The following RNF170 variants were observed in gnomAD, a reference collection of about 807,000 sequenced individuals.
RNF170 encodes ring finger protein 170.
In RNF170, 12 loss-of-function variants were observed where a neutral mutation model predicts 32.7. The ratio of observed to expected loss-of-function variants is 0.37; its 90% CI spans 0.24 to 0.60. RNF170 has a LOEUF of 0.60. Among genes scored for constraint, RNF170 ranks in the 20% least tolerant of loss-of-function variants. The probability of loss-of-function intolerance (pLI) is 0.72; values close to 1 mark genes in which losing one functional copy is unlikely to be tolerated. For synonymous variants in RNF170, 91 were observed against 103.6 expected (o/e 0.88, Z 0.74); for missense variants, 212 against 311.2 (o/e 0.68, Z 2.40).
At chr8:42,862,061 C>T (rs1303133995) in intron 5 of RNF170, among the ~76,000 whole-genome samples, 1 of 152,096 alleles carries the variant, frequency 6.6e-6, no homozygotes, top group South Asian at 2.1e-4. Flanking sequence ...ATAAAATAGA[C>T]ACCATATCCA....
At position 42,855,635 on chromosome 8, in the gene RNF170, G is replaced by A; in HGVS notation, c.*524C>T. On this transcript the variant is annotated 3_prime_UTR_variant, in exon 7 of 7. Coordinates refer to ENST00000527424, the MANE Select transcript of RNF170 (RefSeq NM_030954.4). ...TGATAGCAAATAATTAATTATACCA[G>A]AATGAAAAGGCAGAACTGCTCCAAA... 1 of 1,284,514 alleles carries A rather than the reference G, an allele frequency of 7.8e-7. No homozygotes were observed. Among genetic ancestry groups the A allele is most frequent in the Non-Finnish European group, 1.0e-6 (1 of 986,192 alleles). The allele number at this position is 1,284,514 out of a possible 1,614,324, so 79.6% of individuals were successfully genotyped here.
At chr8:42,862,051 A>G (rs1803703919) in intron 5 of RNF170, among the ~76,000 whole-genome samples, 196 bp from the exon 6 acceptor site, 1 of 152,232 alleles carries the variant, frequency 6.6e-6, no homozygotes, top group South Asian at 2.1e-4. Flanking sequence ...TTGAACTCCT[A>G]TAAAATAGAC....
rs76928366 is a variant in RNF170 at position 42,859,325 on chromosome 8, G to A, written c.507+2420C>T. Reference sequence around the variant, plus strand: ...GATGACAGGGCTGGACCAGCACAATGTCTACAGTGATTGAAAGAAGTGGAC... The same window carrying A: ...GATGACAGGGCTGGACCAGCACAATATCTACAGTGATTGAAAGAAGTGGAC... On this transcript the variant is annotated intron_variant, in intron 6 of 6. Transcript: ENST00000527424. Among the ~76,000 whole-genome samples the A allele has an allele frequency of 3.4e-3, 520 of 152,156 alleles. 4 individuals carry two copies. The highest frequency in any genetic ancestry group is 0.029 in the East Asian group (147 of 5,136).
At chr8:42,888,538 G>A (rs1243995732) in intron 1 of RNF170, among the ~76,000 whole-genome samples, 2 of 151,350 alleles carry the variant, frequency 1.3e-5, no homozygotes, top group Admixed American at 6.6e-5. Context: ...TGAGGCAGGC[G>A]GATCACCTGA....
chr8:42,860,522 A>C (rs1803577648), intron 6 of RNF170, among the ~76,000 whole-genome samples: 1 of 151,528 alleles, frequency 6.6e-6, no homozygotes, highest in Non-Finnish European at 1.5e-5. Flanking sequence ...TCCCGGGTTC[A>C]AGTGATTCTC....
chr8:42,851,139 A>C, downstream of RNF170: 14 of 1,209,600 alleles, frequency 1.2e-5, no homozygotes, highest in South Asian at 1.5e-5. Flanking sequence ...CTCTACCACC[A>C]CAGCCCCCAT....
chr8:42,887,768 T>G lies in RNF170; in HGVS notation c.97A>C (p.Ser33Arg), dbSNP rs946375452. 40 of 1,613,962 alleles carry G rather than the reference T, an allele frequency of 2.5e-5. No individual in the cohort carries two copies. Among genetic ancestry groups the G allele is most frequent in the Non-Finnish European group, 3.3e-5 (39 of 1,179,942 alleles). The change falls in exon 2 of 7, where the codon AGT becomes CGT. Residue 33 changes from serine to arginine, a missense_variant. Transcript: ENST00000527424. ...ACCAGGGTAGCAATCAAAGCGAAAC[T>G]GACCACAACTGCCACAAGTACTTGG... ...SDQVLVAVVV[S>R]FALIATLVYA...
chr8:42,886,232 AAAT>A (rs917924700), intron 2 of RNF170, among the ~76,000 whole-genome samples: 3 of 151,628 alleles, frequency 2.0e-5, no homozygotes, highest in African/African-American at 7.3e-5. Flanking sequence ...TCAAAAAAAA[AAAT>A]AATAATAATA....
At chr8:42,871,884 T>C (rs1586514603) in intron 3 of RNF170, among the ~76,000 whole-genome samples, 3 of 152,294 alleles carry the variant, frequency 2.0e-5, no homozygotes, top group Middle Eastern at 6.8e-3. Context: ...TTTAAAGAAA[T>C]TGACAAAAAA....
intron 4 of RNF170, among the ~76,000 whole-genome samples, chr8:42,868,549 G>A (rs1050037507): frequency 2.0e-5 from 3 of 152,084 alleles, no homozygotes; most frequent in African/African-American, 4.8e-5. Flanking sequence ...GATAAACCTC[G>A]GTTTAAAAAC....
At chr8:42,884,572 A>G (rs1407748079) in intron 2 of RNF170, among the ~76,000 whole-genome samples, 3 of 152,138 alleles carry the variant, frequency 2.0e-5, no homozygotes, top group African/African-American at 7.2e-5. Flanking sequence ...TCTCCCCTGA[A>G]TGTTTTCCAG....
intron 2 of RNF170, among the ~76,000 whole-genome samples, chr8:42,877,585 A>AT (rs1211794492): frequency 2.0e-5 from 3 of 152,220 alleles, no homozygotes; most frequent in Non-Finnish European, 4.4e-5. Flanking sequence ...CTTTCAACAA[A>AT]TAAGTGCCAG....
At chr8:42,868,816 C>T (rs978534133) in intron 4 of RNF170, among the ~76,000 whole-genome samples, 2 of 148,962 alleles carry the variant, frequency 1.3e-5, no homozygotes, top group African/African-American at 5.0e-5. Flanking sequence ...CGCACCATTG[C>T]ACTCCAGTCT....
At chr8:42,870,322 A>G (rs769709447) in intron 3 of RNF170, among the ~76,000 whole-genome samples, 1 of 152,192 alleles carries the variant, frequency 6.6e-6, no homozygotes, top group Non-Finnish European at 1.5e-5. Flanking sequence ...CTTCCTAAAC[A>G]CAATTTAAAG....
chr8:42,863,251 T>C (rs1049636874), intron 5 of RNF170, among the ~76,000 whole-genome samples: 4 of 152,066 alleles, frequency 2.6e-5, no homozygotes, highest in African/African-American at 9.7e-5. Context: ...TCTGAGCCTC[T>C]AGTCAATTTA....
chr8:42,886,718 C>T (rs898283522), intron 2 of RNF170, among the ~76,000 whole-genome samples: 1 of 152,210 alleles, frequency 6.6e-6, no homozygotes, highest in Non-Finnish European at 1.5e-5. Context: ...TGAGCCACCA[C>T]ATCCAGCCTA....
At chr8:42,891,669 T>C (rs1806313504) in intron 1 of RNF170, among the ~76,000 whole-genome samples, 1 of 152,204 alleles carries the variant, frequency 6.6e-6, no homozygotes, top group African/African-American at 2.4e-5. Flanking sequence ...AAATCTGTCC[T>C]TTCCCAGGTG....
chr8:42,873,464 A>G (rs936867800), intron 3 of RNF170, among the ~76,000 whole-genome samples: 1 of 152,192 alleles, frequency 6.6e-6, no homozygotes, highest in Non-Finnish European at 1.5e-5. Context: ...GGTAAAAAGC[A>G]AAGAACAAAC....
intron 3 of RNF170, 69 bp downstream of exon 3, chr8:42,873,862 G>T: frequency 1.1e-6 from 1 of 890,612 alleles, no homozygotes. Context: ...ATTTAGTAAT[G>T]TTTTATCACA....
Sources: allele counts gnomAD v4.1 joint callset (sites outside exome capture counted in the v4.1 genomes callset), GRCh38; gene constraint gnomAD v4.1.1; transcripts MANE v1.5; gene names NCBI Gene and HGNC (gene_info 2026-07-23, HGNC 2026-07-21).